The following FBXL14 variants were observed in gnomAD, a reference collection of about 807,000 sequenced individuals.
The protein encoded by FBXL14 is F-box and leucine rich repeat protein 14.
A neutral mutation model predicts 24.5 loss-of-function variants in FBXL14; 11 were observed. The ratio of observed to expected loss-of-function variants is 0.45; its 90% CI spans 0.28 to 0.74. FBXL14 has a LOEUF of 0.74. FBXL14 is among the 30% of genes least tolerant of loss of function. The pLI, the probability that FBXL14 is intolerant of heterozygous loss-of-function variation, is 0.12. For missense variants in FBXL14, 384 were observed against 545.6 expected, an observed-to-expected ratio of 0.70 and a Z score of 2.95; for synonymous variants, 294 against 240.4, an observed-to-expected ratio of 1.22 and a Z score of -2.06.
At chr12:1,584,667 G>C (rs540648713) in intron 1 of FBXL14, among the ~76,000 whole-genome samples, 2 of 152,370 alleles carry the variant, frequency 1.3e-5, no homozygotes, top group South Asian at 4.1e-4. Context: ...GCTGGATGAA[G>C]TTCAGGGGGC....
In FBXL14 at chr12:1,571,042, TA is replaced by T. The variant is rs111875244; in HGVS notation, c.1195-4233del. 2.3e-3 allele frequency among the ~76,000 whole-genome samples: 348 copies of T among 152,376 alleles called. 3 individuals carry two copies. The highest frequency in any genetic ancestry group is 7.9e-3 in the African/African-American group (330 of 41,586). ...CTGTGTGGCATGTGTTTATCACTAA[TA>T]ATCGGTCATTGCTATGACTGCCTGA... On this transcript the variant is annotated intron_variant, in intron 1 of 1. Coordinates refer to ENST00000339235, the MANE Select transcript of FBXL14 (RefSeq NM_152441.3).
chr12:1,589,376 C>G (rs1019027518), intron 1 of FBXL14, among the ~76,000 whole-genome samples: 2 of 107,526 alleles, frequency 1.9e-5, no homozygotes, highest in Middle Eastern at 0.01. Context: ...CCTGCCTAGG[C>G]AACAGATCAA....
intron 1 of FBXL14, among the ~76,000 whole-genome samples, chr12:1,581,531 C>A: frequency 6.6e-6 from 1 of 152,274 alleles, no homozygotes; most frequent in East Asian, 1.9e-4. Flanking sequence ...ATGTCGGAGC[C>A]GGCCTGTCCC....
intron 1 of FBXL14, among the ~76,000 whole-genome samples, chr12:1,572,585 G>A (rs1437813653): frequency 2.0e-5 from 3 of 152,102 alleles, no homozygotes; most frequent in Admixed American, 1.3e-4. Flanking sequence ...TGGAGAAATC[G>A]TGACTGCAGA....
rs114687648 is a variant in FBXL14, at chr12:1,581,846, C to T, written c.1194+11027G>A. On this transcript the variant is annotated intron_variant, in intron 1 of 1. Coordinates refer to ENST00000339235, the MANE Select transcript of FBXL14 (RefSeq NM_152441.3). ...CCTTCTTGAAAATGAAGCCCAGGGC[C>T]GGGCCTGGTGACTCACGTGTGTAAT... Among the ~76,000 whole-genome samples, 725 of 152,274 alleles carry T rather than the reference C, an allele frequency of 4.8e-3. 6 individuals carry two copies. Among genetic ancestry groups the T allele is most frequent in the African/African-American group, 0.015 (637 of 41,556 alleles).
At position 1,580,330 on chromosome 12, in the gene FBXL14, G is replaced by A. The variant is rs73605881; in HGVS notation, c.1194+12543C>T. On this transcript the variant is annotated intron_variant, in intron 1 of 1. Transcript: ENST00000339235. Reference sequence around the variant, plus strand: ...CACACTCAGGATCCCGTTCAATAGCGGTTTTATAAATAAGGGCTTAAATGG... The same window carrying A: ...CACACTCAGGATCCCGTTCAATAGCAGTTTTATAAATAAGGGCTTAAATGG... 4.2e-3 allele frequency among the ~76,000 whole-genome samples: 634 copies of A among 152,254 alleles called. 4 individuals are homozygous for A. The highest frequency in any genetic ancestry group is 0.014 in the African/African-American group (579 of 41,548).
chr12:1,566,066 A>G lies in FBXL14; in HGVS notation c.*682T>C, dbSNP rs1465148524. The G allele has an allele frequency of 1.3e-5, 2 of 152,662 alleles. No homozygotes were observed. Among genetic ancestry groups the G allele is most frequent in the Non-Finnish European group, 1.5e-5 (1 of 68,046 alleles). The allele number at this position is 152,662 out of a possible 1,614,324, so 9.5% of individuals were successfully genotyped here. On this transcript the variant is annotated 3_prime_UTR_variant, in exon 2 of 2. Transcript: ENST00000339235. ...AATGGAAACCCCGTGGGGAGAGGAA[A>G]TGCATCTGTGGAATGTAGAGTGGAT...
chr12:1,591,986 A>G (rs971268891), intron 1 of FBXL14, among the ~76,000 whole-genome samples: 1 of 152,082 alleles, frequency 6.6e-6, no homozygotes, highest in African/African-American at 2.4e-5. Context: ...ACAAGGAGAA[A>G]AAGGAAATTA....
chr12:1,581,014 GTGT>G (rs1298937319), intron 1 of FBXL14, among the ~76,000 whole-genome samples: 1 of 152,148 alleles, frequency 6.6e-6, no homozygotes, highest in East Asian at 1.9e-4. Context: ...GGACTGCAAG[GTGT>G]TGTTGATACC....
Position 1,567,487 on chromosome 12 carries a change from T to C in FBXL14, c.1195-677A>G, listed in dbSNP as rs1000881397. The stretch of plus-strand genomic sequence containing the variant: ...GCCTGGGCGACAGAGTGGTACTCTG[T>C]CTCAAAAATAATAATAATAATAAAA... On this transcript the variant is annotated intron_variant, in intron 1 of 1. Coordinates refer to ENST00000339235, the MANE Select transcript of FBXL14 (RefSeq NM_152441.3). The surrounding 1 kb of genome is among the most constrained non-coding windows in gnomAD (Gnocchi z 4.8). Among the ~76,000 whole-genome samples the C allele has an allele frequency of 5.3e-5, 8 of 151,956 alleles. No individual in the cohort carries two copies. Among genetic ancestry groups the C allele is most frequent in the Admixed American group, 2.6e-4 (4 of 15,256 alleles).
At chr12:1,587,405 C>T (rs1488479875) in intron 1 of FBXL14, 2 of 152,102 alleles carry the variant, frequency 1.3e-5, no homozygotes, top group Non-Finnish European at 2.9e-5. Context: ...TAACATACCC[C>T]ACTCTGGTGC....
In FBXL14 at chr12:1,593,970, T is replaced by G. The variant is rs1229647031; in HGVS notation, c.97A>C (p.Thr33Pro). 1.3e-6 allele frequency: 2 copies of G among 1,588,684 alleles called. No homozygotes were observed. The highest frequency in any genetic ancestry group is 1.7e-6 in the Non-Finnish European group (2 of 1,175,476). Reference protein sequence around the residue: ...RDKGRAAQVCTAWRDAAYHKS... With the variant: ...RDKGRAAQVCPAWRDAAYHKS... ...TGGTAGGCGGCGTCCCGCCAGGCGGTGCACACCTGCGCCGCGCGCCCCTTG... is the reference window on the plus strand; with the variant it reads ...TGGTAGGCGGCGTCCCGCCAGGCGGGGCACACCTGCGCCGCGCGCCCCTTG... The change falls in exon 1 of 2, where the codon ACC (threonine) becomes CCC (proline). Residue 33 changes from threonine (T) to proline (P), a missense_variant. Thr to Pro is a conservative substitution (Grantham distance 38, BLOSUM62 -1). Transcript: ENST00000339235. The surrounding 1 kb of genome is among the most constrained non-coding windows in gnomAD (Gnocchi z 7.4).
intron 1 of FBXL14, among the ~76,000 whole-genome samples, chr12:1,575,172 G>GA (rs1045770994): frequency 6.6e-6 from 1 of 152,092 alleles, no homozygotes; most frequent in Non-Finnish European, 1.5e-5. Context: ...CCCCAAGGGA[G>GA]AAAAAACTTC....
chr12:1,590,142 C>CTT (rs57694174), intron 1 of FBXL14, among the ~76,000 whole-genome samples: 1 of 147,264 alleles, frequency 6.8e-6, no homozygotes, highest in African/African-American at 2.5e-5. Flanking sequence ...AGGCTTCACA[C>CTT]TTTTTTTTTT....
chr12:1,593,286 G>C lies in FBXL14; in HGVS notation c.781C>G (p.Arg261Gly), dbSNP rs2094494645. ...HMGSLRSLNL[R>G]SCDNISDTGI... ...GTGTCACTGATGTTGTCACAGGAGC[G>C]CAGGTTGAGGCTGCGCAGGCTGCCC... The change falls in exon 1 of 2, where the codon CGC becomes GGC. Residue 261 changes from arginine (R) to glycine (G), a missense_variant. Arg to Gly is a moderately radical substitution (Grantham distance 125). Coordinates refer to ENST00000339235, the MANE Select transcript of FBXL14 (RefSeq NM_152441.3). This position sits in a 1 kb window ranked among gnomAD's most constrained non-coding sequence, Gnocchi z 7.4. 1.2e-6 allele frequency: 2 copies of C among 1,612,862 alleles called. No individual in the cohort carries two copies. The highest frequency in any genetic ancestry group is 1.7e-6 in the Non-Finnish European group (2 of 1,179,828).
In FBXL14 at chr12:1,566,635, G is replaced by T; in HGVS notation, c.*113C>A. 5.5e-6 allele frequency: 4 copies of T among 732,262 alleles called. No individual in the cohort carries two copies. Among genetic ancestry groups the T allele is most frequent in the South Asian group, 4.5e-5 (3 of 66,900 alleles). The allele number at this position is 732,262 out of a possible 1,614,324, so 45.4% of individuals were successfully genotyped here. A position where few individuals can be genotyped will look rare whatever the true frequency, so the allele number is the denominator to read the frequency against. Reference sequence around the variant, plus strand: ...AAGCCCTGGGCAGCAGCCTCTGCCCGAGCAGTGACAGGCAGGGAAACCTGA... The same window carrying T: ...AAGCCCTGGGCAGCAGCCTCTGCCCTAGCAGTGACAGGCAGGGAAACCTGA... On this transcript the variant is annotated 3_prime_UTR_variant, in exon 2 of 2. Transcript: ENST00000339235.
At position 1,592,532 on chromosome 12, in the gene FBXL14, C is replaced by G. The variant is rs565964069; in HGVS notation, c.1194+341G>C. On this transcript the variant is annotated intron_variant, in intron 1 of 1. Transcript: ENST00000339235. ...TTGAAAAGACCAGTCACTCCCCACC[C>G]CCATTTCCAGTCACAGCAGTGGGGA... Among the ~76,000 whole-genome samples the G allele has an allele frequency of 5.3e-3, 810 of 152,298 alleles. 6 individuals carry two copies. Among genetic ancestry groups the G allele is most frequent in the African/African-American group, 0.018 (763 of 41,562 alleles).
intron 1 of FBXL14, among the ~76,000 whole-genome samples, chr12:1,592,416 T>C (rs2094492597): frequency 6.6e-6 from 1 of 152,092 alleles, no homozygotes; most frequent in Non-Finnish European, 1.5e-5. Flanking sequence ...GTAGCTGGGT[T>C]TGCTTTTTAT....
In FBXL14 at chr12:1,569,279, TTC is replaced by T. The variant is rs142138876; in HGVS notation, c.1195-2471_1195-2470del. Among the ~76,000 whole-genome samples the T allele has an allele frequency of 1.3e-5, 2 of 151,428 alleles. No individual in the cohort carries two copies. The highest frequency in any genetic ancestry group is 1.5e-5 in the Non-Finnish European group (1 of 67,730). ...CCACTTAATTTCTGATGTTTTCTAA[TTC>T]TCTCTCTCTCTCTCCCTCTCCTTCC... On this transcript the variant is annotated intron_variant, in intron 1 of 1. Coordinates refer to ENST00000339235, the MANE Select transcript of FBXL14 (RefSeq NM_152441.3). This position sits in a 1 kb window ranked among gnomAD's most constrained non-coding sequence, Gnocchi z 4.2.
Sources: gnomAD v4.1 joint callset for allele counts (sites outside exome capture counted in the v4.1 genomes callset) on GRCh38, gnomAD v4.1.1 for gene constraint, Gnocchi (gnomAD v3.1) non-coding constraint, MANE v1.5 for transcripts, NCBI Gene and HGNC (gene_info 2026-07-23, HGNC 2026-07-21) for gene names.